NCAM2: variants seen among roughly 807,000 people sequenced by gnomAD.
The protein encoded by NCAM2 is N-CAM-2.
NCAM2 carries 30 observed loss-of-function variants against 98.1 expected under a neutral mutation model. The observed-to-expected ratio is 0.31, with a 90% CI of 0.23 to 0.41. The LOEUF (loss-of-function observed/expected upper bound fraction) is 0.41, where lower values mean the gene tolerates loss of function less well. Ranked by LOEUF, NCAM2 falls within the 10% of genes least tolerant of loss-of-function variation. The pLI is 1.00. For synonymous variants in NCAM2, 368 were observed against 342.4 expected, an observed-to-expected ratio of 1.07 and a Z score of -0.83; for missense variants, 867 against 1,005.8, an observed-to-expected ratio of 0.86 and a Z score of 1.87.
At chr21:21,231,531 CTATG>C (rs1315315334) in intron 1 of NCAM2, among the ~76,000 whole-genome samples, 8 of 151,236 alleles carry the variant, frequency 5.3e-5, no homozygotes, top group Non-Finnish European at 4.4e-5. Flanking sequence ...GCTAATGACT[CTATG>C]TATTAAACTA....
Position 21,540,296 on chromosome 21 carries a change from T to TATATATATATACACATATATATAC in NCAM2, c.*2349_*2350insACACATATATATACATATATATAT, listed in dbSNP as rs1569149341. 2.7e-4 allele frequency: 12 copies of TATATATATATACACATATATATAC among 44,268 alleles called. No homozygotes were observed. The highest frequency in any genetic ancestry group is 1.7e-3 in the Admixed American group (7 of 4,186). 2.7% of individuals were successfully genotyped at this position (44,268 alleles called of 1,614,324 possible). A position where few individuals can be genotyped will look rare whatever the true frequency, so the allele number is the denominator to read the frequency against. On this transcript the variant is annotated 3_prime_UTR_variant, in exon 18 of 18. Coordinates refer to ENST00000400546, the MANE Select transcript of NCAM2 (RefSeq NM_004540.5). ...ATATATATATACACATATATATACATATATATATATGATGTTAAATTTCCT... is the reference window on the plus strand; with the variant it reads ...ATATATATATACACATATATATACATATATATATATACACATATATATACATATATATATGATGTTAAATTTCCT...
intron 1 of NCAM2, among the ~76,000 whole-genome samples, chr21:21,021,864 T>C (rs972573991): frequency 8.5e-5 from 13 of 152,180 alleles, no homozygotes; most frequent in Non-Finnish European, 4.4e-5. Context: ...CTCTAAATTT[T>C]ATTCTAAGCT....
chr21:21,324,927 A>C lies in NCAM2; in HGVS notation c.737+427A>C, dbSNP rs886306161. On this transcript the variant is annotated intron_variant, in intron 6 of 17. Transcript: ENST00000400546. ...TGTATTATACACAAAATGTTGTATTATAGAAAAAACTGATTTATAGCATTA... is the reference window on the plus strand; with the variant it reads ...TGTATTATACACAAAATGTTGTATTCTAGAAAAAACTGATTTATAGCATTA... Among the ~76,000 whole-genome samples the C allele has an allele frequency of 1.4e-4, 22 of 152,154 alleles. 1 individual carries two copies. The highest frequency in any genetic ancestry group is 7.2e-4 in the Admixed American group (11 of 15,262).
chr21:21,091,520 G>A (rs2066011538), intron 1 of NCAM2, among the ~76,000 whole-genome samples: 1 of 152,020 alleles, frequency 6.6e-6, no homozygotes, highest in African/African-American at 2.4e-5. Flanking sequence ...CCAAGACTGG[G>A]CAATTCACAA....
intron 11 of NCAM2, among the ~76,000 whole-genome samples, chr21:21,420,026 T>C (rs1009989078): frequency 5.3e-5 from 8 of 152,078 alleles, no homozygotes; most frequent in African/African-American, 1.7e-4. Context: ...GCACCTGTTG[T>C]TTCCTGACTT....
chr21:21,494,923 G>A (rs549021007), intron 15 of NCAM2, among the ~76,000 whole-genome samples: 30 of 151,192 alleles, frequency 2.0e-4, no homozygotes, highest in African/African-American at 7.3e-4. Context: ...TTCAAAATAA[G>A]CACAGCTCAG....
At chr21:21,049,515 C>A (rs1302161138) in intron 1 of NCAM2, among the ~76,000 whole-genome samples, 2 of 151,782 alleles carry the variant, frequency 1.3e-5, no homozygotes, top group Non-Finnish European at 2.9e-5. Context: ...CTGACTATCA[C>A]ACTGACTACT....
chr21:21,440,008 C>T (rs1979001052), intron 12 of NCAM2, among the ~76,000 whole-genome samples: 1 of 152,114 alleles, frequency 6.6e-6, no homozygotes, highest in African/African-American at 2.4e-5. Context: ...CTCCTACTAG[C>T]CTAGTTGTGC....
intron 1 of NCAM2, among the ~76,000 whole-genome samples, chr21:21,052,505 C>T (rs1379054202): frequency 1.3e-5 from 2 of 151,860 alleles, no homozygotes; most frequent in African/African-American, 4.8e-5. Context: ...ATATGTCTCT[C>T]TAGCATATAG....
chr21:21,168,280 C>A (rs1310672279), intron 1 of NCAM2, among the ~76,000 whole-genome samples: 1 of 151,724 alleles, frequency 6.6e-6, no homozygotes, highest in Non-Finnish European at 1.5e-5. Context: ...AGCAAACAAA[C>A]AATAGAGGGT....
At chr21:21,458,198 T>A (rs1299131514) in intron 12 of NCAM2, among the ~76,000 whole-genome samples, 1 of 152,182 alleles carries the variant, frequency 6.6e-6, no homozygotes, top group Non-Finnish European at 1.5e-5. Context: ...GTCCCAGCTG[T>A]GGCCCCACTG....
chr21:21,193,492 C>CTTTTTTTTTT (rs768928139), intron 1 of NCAM2, among the ~76,000 whole-genome samples: 1 of 123,790 alleles, frequency 8.1e-6, no homozygotes, highest in Non-Finnish European at 1.7e-5. Context: ...AGTACTTTTC[C>CTTTTTTTTTT]TTTTTTTTTT....
intron 9 of NCAM2, among the ~76,000 whole-genome samples, chr21:21,396,754 G>A (rs1194168952): frequency 6.6e-6 from 1 of 152,172 alleles, no homozygotes; most frequent in East Asian, 1.9e-4. Flanking sequence ...TGGACCAGGG[G>A]AATGCAGTGG....
At chr21:21,035,353 ATAGT>A (rs1356789098) in intron 1 of NCAM2, among the ~76,000 whole-genome samples, 4 of 152,168 alleles carry the variant, frequency 2.6e-5, no homozygotes, top group African/African-American at 9.7e-5. Context: ...ATACTCATGG[ATAGT>A]TATTGAATCC....
chr21:21,044,308 A>G (rs2064966578), intron 1 of NCAM2, among the ~76,000 whole-genome samples: 1 of 152,154 alleles, frequency 6.6e-6, no homozygotes, highest in Admixed American at 6.5e-5. Context: ...TGATCTTGAA[A>G]AGTATGGTCT....
At chr21:21,049,448 G>A (rs1281113627) in intron 1 of NCAM2, among the ~76,000 whole-genome samples, 1 of 144,090 alleles carries the variant, frequency 6.9e-6, no homozygotes, top group Non-Finnish European at 1.5e-5. Context: ...AATAATTGAT[G>A]GCATAGACCC....
At chr21:21,377,402 G>A (rs73322798) in intron 9 of NCAM2, among the ~76,000 whole-genome samples, 1,855 of 151,756 alleles carry the variant, frequency 0.012, 37 homozygotes, top group African/African-American at 0.043. Context: ...ACATTTACAT[G>A]TAAGAATGTA....
At chr21:21,132,646 C>G (rs1019443813) in intron 1 of NCAM2, among the ~76,000 whole-genome samples, 2 of 152,132 alleles carry the variant, frequency 1.3e-5, no homozygotes, top group African/African-American at 4.8e-5. Flanking sequence ...TTACTAAAGA[C>G]TTTAAAGTAA....
At chr21:21,506,462 A>C (rs1345990673) in intron 15 of NCAM2, among the ~76,000 whole-genome samples, 1 of 152,156 alleles carries the variant, frequency 6.6e-6, no homozygotes, top group Non-Finnish European at 1.5e-5. Flanking sequence ...AACTGCAAAC[A>C]GAAATCCTAG....
Sources: allele counts gnomAD v4.1 joint callset (sites outside exome capture counted in the v4.1 genomes callset), GRCh38; gene constraint gnomAD v4.1.1; transcripts MANE v1.5; gene names NCBI Gene and HGNC (gene_info 2026-07-23, HGNC 2026-07-21).